GPRC6A: variants seen among roughly 807,000 people sequenced by gnomAD.
The protein encoded by GPRC6A is G protein-coupled receptor family C group 6 member A.
Under a neutral mutation model 47.0 loss-of-function variants are expected in GPRC6A, and 54 were observed. That is an observed-to-expected ratio of 1.15 (90% CI 0.92 to 1.44). The LOEUF (loss-of-function observed/expected upper bound fraction) is 1.44, where lower values mean the gene tolerates loss of function less well. Among genes scored for constraint, GPRC6A ranks in the 40% most tolerant of loss-of-function variants. GPRC6A has a pLI of 0.00. For synonymous variants in GPRC6A, 347 were observed against 377.1 expected (o/e 0.92, Z 0.93); for missense variants, 1,112 against 1,105.5 (o/e 1.01, Z -0.08).
intron 3 of GPRC6A, among the ~76,000 whole-genome samples, chr6:116,805,299 G>C (rs1285791248): frequency 6.6e-6 from 1 of 151,770 alleles, no homozygotes; most frequent in African/African-American, 2.4e-5. Flanking sequence ...ACCATTGCAT[G>C]ATCCTCCCAA....
Position 116,825,221 on chromosome 6 carries a change from G to A in GPRC6A, c.194+3599C>T, listed in dbSNP as rs369119734. On this transcript the variant is annotated intron_variant, in intron 1 of 5. Coordinates refer to ENST00000310357, the MANE Select transcript of GPRC6A (RefSeq NM_148963.4). ...CACCACTCTTATTCAACATAGTATT[G>A]GAAGTCCTGGCCAAAGCAATCAGGC... Among the ~76,000 whole-genome samples, 18 of 152,146 alleles carry A rather than the reference G, an allele frequency of 1.2e-4. 1 individual carries two copies. The East Asian group carries it at 3.1e-3, about 26-fold the overall frequency.
intron 1 of GPRC6A, among the ~76,000 whole-genome samples, chr6:116,826,846 C>T (rs768589574): frequency 1.3e-5 from 2 of 151,814 alleles, no homozygotes; most frequent in Non-Finnish European, 2.9e-5. Flanking sequence ...TATATATACA[C>T]AACAGAATAG....
intron 1 of GPRC6A, among the ~76,000 whole-genome samples, chr6:116,828,067 T>C (rs1381722986): frequency 6.6e-6 from 1 of 152,078 alleles, no homozygotes; most frequent in East Asian, 1.9e-4. Context: ...AGGCCTTTGT[T>C]TTACAGATGA....
intron 3 of GPRC6A, among the ~76,000 whole-genome samples, chr6:116,802,839 A>G (rs1019092334): frequency 6.6e-6 from 1 of 152,120 alleles, no homozygotes; most frequent in African/African-American, 2.4e-5. Context: ...TTTAAGGAAG[A>G]TGAGTCCTGT....
At chr6:116,813,964 A>T (rs1382888183) in intron 1 of GPRC6A, among the ~76,000 whole-genome samples, 3 of 152,238 alleles carry the variant, frequency 2.0e-5, no homozygotes, top group African/African-American at 7.2e-5. Context: ...GACACTTCTC[A>T]AAAGAAGACA....
intron 1 of GPRC6A, among the ~76,000 whole-genome samples, chr6:116,818,451 G>A (rs1262213760): frequency 2.2e-4 from 30 of 135,314 alleles, no homozygotes; most frequent in African/African-American, 5.7e-4. Context: ...GGAGAATGGC[G>A]TGAACCCGGG....
Position 116,795,780 on chromosome 6 carries a change from G to T in GPRC6A, c.1604C>A (p.Thr535Lys), listed in dbSNP as rs138857695. Residue 535 changes from threonine (T) to lysine (K), a missense_variant, in exon 5 of 6, where the codon ACA (threonine) becomes AAA (lysine). Thr to Lys is a moderately conservative substitution (Grantham distance 78, BLOSUM62 -1). Coordinates refer to ENST00000310357, the MANE Select transcript of GPRC6A (RefSeq NM_148963.4). ...ATAGCAACAGATGTGTTGACTTCTT[G>T]TAGTTTTCTTCATTTGCCCAGGACT... Reference protein sequence around the residue: ...ECSPGQMKKTTRSQHICCYEC... With the variant: ...ECSPGQMKKTKRSQHICCYEC... 6.2e-7 allele frequency: 1 copy of T among 1,608,314 alleles called. No homozygotes were observed. The highest frequency in any genetic ancestry group is 1.3e-5 in the African/African-American group (1 of 74,648).
intron 1 of GPRC6A, among the ~76,000 whole-genome samples, chr6:116,820,154 C>T (rs1229753894): frequency 2.0e-5 from 3 of 150,786 alleles, no homozygotes; most frequent in Non-Finnish European, 4.4e-5. Flanking sequence ...CAAGACTAAA[C>T]CAGGAAGAAG....
rs1204565159 is a variant in GPRC6A, at chr6:116,829,031, T to G, written c.-18A>C. The G allele has an allele frequency of 6.2e-7, 1 of 1,603,544 alleles. No homozygotes were observed. Among genetic ancestry groups the G allele is most frequent in the Admixed American group, 1.7e-5 (1 of 59,056 alleles). On this transcript the variant is annotated 5_prime_UTR_variant, in exon 1 of 6. It removes the in-frame stop codon of an upstream open reading frame in the 5' UTR. Transcript: ENST00000310357. ...AATGCCATGTTTCTATCTCATTTGC[T>G]CAGTTCATGTGAGTTCTTAGGAATC...
intron 1 of GPRC6A, among the ~76,000 whole-genome samples, chr6:116,813,990 G>A (rs1325273291): frequency 6.6e-6 from 1 of 152,076 alleles, no homozygotes; most frequent in East Asian, 1.9e-4. Flanking sequence ...GCAGCCAACA[G>A]ACACATGAAA....
At position 116,818,532 on chromosome 6, in the gene GPRC6A, TAAAAAAAAAA is replaced by T. The variant is rs35974500; in HGVS notation, c.195-8925_195-8916del. Reference sequence around the variant, plus strand: ...CTGGGCGACAGAGCGAGACTCCGTCTAAAAAAAAAAAAAAAAAAAAAAAAAAAAAAAAAAA... The same window carrying T: ...CTGGGCGACAGAGCGAGACTCCGTCTAAAAAAAAAAAAAAAAAAAAAAAAA... On this transcript the variant is annotated intron_variant, in intron 1 of 5. Coordinates refer to ENST00000310357, the MANE Select transcript of GPRC6A (RefSeq NM_148963.4). 5.5e-3 allele frequency among the ~76,000 whole-genome samples: 86 copies of T among 15,510 alleles called. 8 individuals carry two copies. The highest frequency in any genetic ancestry group is 0.033 in the South Asian group (9 of 270). The allele number at this position is 15,510 out of a possible 152,430, so 10.2% of individuals were successfully genotyped here. A position where few individuals can be genotyped will look rare whatever the true frequency, so the allele number is the denominator to read the frequency against.
intron 1 of GPRC6A, among the ~76,000 whole-genome samples, chr6:116,824,325 A>C (rs1773607333): frequency 6.6e-6 from 1 of 151,828 alleles, no homozygotes; most frequent in African/African-American, 2.4e-5. Context: ...CAAAAAGATA[A>C]AAAAAATTTA....
chr6:116,813,589 C>A (rs1279151534), intron 1 of GPRC6A, among the ~76,000 whole-genome samples: 1 of 152,120 alleles, frequency 6.6e-6, no homozygotes, highest in East Asian at 1.9e-4. Context: ...CTTCCTTACA[C>A]CTTATACAAA....
At chr6:116,808,430 T>C (rs1425442459) in intron 2 of GPRC6A, among the ~76,000 whole-genome samples, 1 of 152,180 alleles carries the variant, frequency 6.6e-6, no homozygotes. Context: ...CAAAGCCTTA[T>C]CTTTGATGTA....
chr6:116,806,183 C>T (rs1338334257), intron 3 of GPRC6A, among the ~76,000 whole-genome samples, 187 bp downstream of exon 3: 1 of 152,082 alleles, frequency 6.6e-6, no homozygotes, highest in Non-Finnish European at 1.5e-5. Context: ...GAAGATAAAA[C>T]ACAACTCTGT....
intron 1 of GPRC6A, among the ~76,000 whole-genome samples, chr6:116,812,325 G>A (rs535819245): frequency 4.7e-4 from 71 of 152,218 alleles, no homozygotes; most frequent in South Asian, 2.1e-3. Flanking sequence ...AAGCAAAAGC[G>A]GAGGGAATTC....
At chr6:116,811,389 T>C (rs1283784983) in intron 1 of GPRC6A, among the ~76,000 whole-genome samples, 1 of 151,612 alleles carries the variant, frequency 6.6e-6, no homozygotes, top group Non-Finnish European at 1.5e-5. Context: ...ACAGGAAACA[T>C]GAAAAAGCCA....
chr6:116,816,784 C>T (rs1773226190), intron 1 of GPRC6A, among the ~76,000 whole-genome samples: 1 of 152,204 alleles, frequency 6.6e-6, no homozygotes, highest in African/African-American at 2.4e-5. Context: ...ACGGACGCAC[C>T]TGGAAAATCG....
chr6:116,823,594 T>A (rs1282979805), intron 1 of GPRC6A, among the ~76,000 whole-genome samples: 1 of 152,154 alleles, frequency 6.6e-6, no homozygotes, highest in Non-Finnish European at 1.5e-5. Flanking sequence ...CCAGAGCTGC[T>A]TCCACATTTT....
Sources: allele counts gnomAD v4.1 joint callset (sites outside exome capture counted in the v4.1 genomes callset), GRCh38; gene constraint gnomAD v4.1.1; transcripts MANE v1.5; gene names NCBI Gene and HGNC (gene_info 2026-07-23, HGNC 2026-07-21).